Variants in DEPDC5 observed in about 807,000 individuals in gnomAD.
The protein encoded by DEPDC5 is DEP domain containing 5, GATOR1 subcomplex subunit.
Under a neutral mutation model 217.3 loss-of-function variants are expected in DEPDC5, and 73 were observed. The ratio of observed to expected loss-of-function variants is 0.34; its 90% CI spans 0.28 to 0.41. The LOEUF (loss-of-function observed/expected upper bound fraction) is 0.41, where lower values mean the gene tolerates loss of function less well. DEPDC5 is among the 10% of genes least tolerant of loss of function. The pLI is 1.00. For missense variants in DEPDC5, 1,675 were observed against 2,070.1 expected (o/e 0.81, Z 3.70); for synonymous variants, 733 against 756.7 (o/e 0.97, Z 0.51).
Position 31,826,667 on chromosome 22 carries a change from A to T in DEPDC5, c.2104+3877A>T, listed in dbSNP as rs117652938. 2.1e-3 allele frequency among the ~76,000 whole-genome samples: 325 copies of T among 152,294 alleles called. 1 individual carries two copies. Among genetic ancestry groups the T allele is most frequent in the Non-Finnish European group, 3.7e-3 (250 of 68,028 alleles). ...CATGTTTCCGCACAGCTCCGTATGC[A>T]TAACCCAATTGTACAACTTGGCATG... On this transcript the variant is annotated intron_variant, in intron 24 of 42. Coordinates refer to ENST00000651528, the MANE Select transcript of DEPDC5 (RefSeq NM_001242896.3).
Position 31,879,681 on chromosome 22 carries a change from C to G in DEPDC5, c.3962C>G (p.Ala1321Gly). Reference sequence around the variant, plus strand: ...CTGCCCTGGCTGCCTAGCCGGCCAGCCTCCTATGCAAGTAGGCACAGCTCC... The same window carrying G: ...CTGCCCTGGCTGCCTAGCCGGCCAGGCTCCTATGCAAGTAGGCACAGCTCC... ...FLLPWLPSRP[A>G]SYASRHSSFS... Residue 1321 changes from alanine to glycine, a missense_variant, in exon 38 of 43, where the codon GCC becomes GGC. Transcript: ENST00000651528. The G allele has an allele frequency of 6.2e-7, 1 of 1,614,148 alleles. No homozygotes were observed. The highest frequency in any genetic ancestry group is 8.5e-7 in the Non-Finnish European group (1 of 1,180,034).
intron 21 of DEPDC5, 97 bp from the exon 22 acceptor site, chr22:31,818,925 A>G (rs1485176036): frequency 1.6e-6 from 2 of 1,272,752 alleles, no homozygotes; most frequent in East Asian, 4.7e-5. Flanking sequence ...ATAATGCCCA[A>G]GATTCTTGTC....
Position 31,867,841 on chromosome 22 carries a change from A to G in DEPDC5, c.3331-2749A>G, listed in dbSNP as rs866048096. 1.9e-4 allele frequency among the ~76,000 whole-genome samples: 29 copies of G among 152,292 alleles called. No individual in the cohort carries two copies. The Middle Eastern group carries it at 0.02, about 107-fold the overall frequency. On this transcript the variant is annotated intron_variant, in intron 33 of 42. Transcript: ENST00000651528. ...GCAGGACTAATGTGCATTTCTGGTA[A>G]TGGCCTTCACGTTAGGCTGGTAGAG...
In DEPDC5 at chr22:31,892,635, G is replaced by A. The variant is rs369029169; in HGVS notation, c.4034-947G>A. Among the ~76,000 whole-genome samples the A allele has an allele frequency of 4.6e-5, 7 of 152,320 alleles. No individual in the cohort carries two copies. The South Asian group carries it at 6.2e-4, about 14-fold the overall frequency. On this transcript the variant is annotated intron_variant, in intron 38 of 42. Coordinates refer to ENST00000651528, the MANE Select transcript of DEPDC5 (RefSeq NM_001242896.3). ...GGAGGCAGAGGTTGCAGTGAGCCAA[G>A]ATCACGCTACTGCACTCCAGCCCGG...
chr22:31,833,044 TC>T (rs1280810990), intron 24 of DEPDC5, among the ~76,000 whole-genome samples: 2 of 152,198 alleles, frequency 1.3e-5, no homozygotes, highest in Non-Finnish European at 2.9e-5. Flanking sequence ...ATCTTTCCAG[TC>T]CTTTTTAAAA....
chr22:31,788,856 G>A (rs772175069), intron 10 of DEPDC5, among the ~76,000 whole-genome samples: 9 of 149,318 alleles, frequency 6.0e-5, no homozygotes, highest in African/African-American at 1.7e-4. Context: ...GATTACAGAC[G>A]TGAGCCTCCG....
At chr22:31,758,085 TC>T (rs1227281277) in intron 2 of DEPDC5, among the ~76,000 whole-genome samples, 1 of 152,120 alleles carries the variant, frequency 6.6e-6, no homozygotes, top group Non-Finnish European at 1.5e-5. Context: ...ATTTTCTTAC[TC>T]CTGTTAGATC....
intron 7 of DEPDC5, among the ~76,000 whole-genome samples, chr22:31,777,338 GCAA>G (rs1402977396): frequency 6.0e-5 from 9 of 150,274 alleles, no homozygotes; most frequent in Non-Finnish European, 1.2e-4. Context: ...TCAGCTCACT[GCAA>G]CTTCCACCTC....
intron 4 of DEPDC5, among the ~76,000 whole-genome samples, chr22:31,761,900 G>A (rs1394584950): frequency 2.0e-5 from 3 of 150,900 alleles, no homozygotes; most frequent in Admixed American, 6.6e-5. Flanking sequence ...CCCGGGAGGC[G>A]GAGGTTGCAG....
chr22:31,769,008 C>T (rs113406165), intron 7 of DEPDC5, 145 bp downstream of exon 7: 1 of 1,065,086 alleles, frequency 9.4e-7, no homozygotes, highest in South Asian at 1.5e-5. Flanking sequence ...CGCCTGTAAT[C>T]CTAGCACTTT....
chr22:31,811,092 C>T (rs184687795), intron 20 of DEPDC5, among the ~76,000 whole-genome samples: 73 of 151,424 alleles, frequency 4.8e-4, no homozygotes, highest in South Asian at 1.5e-3. Flanking sequence ...TTTTTTGAGA[C>T]GGAGTCTCAC....
chr22:31,880,036 C>T lies in DEPDC5; in HGVS notation c.4033+284C>T, dbSNP rs534069668. On this transcript the variant is annotated intron_variant, in intron 38 of 42. Transcript: ENST00000651528. ...AGAAGAAATATGTGGCCAATTTTCC[C>T]GAGGGTTCTGTAGGATATAGGAGAT... 16 of 415,634 alleles carry T rather than the reference C, an allele frequency of 3.8e-5. 1 individual carries two copies. The highest frequency in any genetic ancestry group is 1.6e-4 in the East Asian group (3 of 19,294). The allele number at this position is 415,634 out of a possible 1,614,324, so 25.7% of individuals were successfully genotyped here.
At chr22:31,841,623 G>A (rs766209913) in intron 27 of DEPDC5, among the ~76,000 whole-genome samples, 1 of 152,122 alleles carries the variant, frequency 6.6e-6, no homozygotes, top group African/African-American at 2.4e-5. Flanking sequence ...GTGGTGGCTC[G>A]CAATCAGTCT....
At chr22:31,832,808 C>G (rs1010843326) in intron 24 of DEPDC5, among the ~76,000 whole-genome samples, 1 of 152,208 alleles carries the variant, frequency 6.6e-6, no homozygotes, top group Admixed American at 6.5e-5. Context: ...CCTATATCTT[C>G]TGGATGCAAG....
chr22:31,886,429 C>G, intron 38 of DEPDC5, among the ~76,000 whole-genome samples: 1 of 152,124 alleles, frequency 6.6e-6, no homozygotes, highest in East Asian at 1.9e-4. Context: ...TTCAGATCAT[C>G]TCAGTTTAGC....
At chr22:31,839,478 A>T (rs2091256299) in intron 27 of DEPDC5, among the ~76,000 whole-genome samples, 1 of 147,218 alleles carries the variant, frequency 6.8e-6, no homozygotes, top group Non-Finnish European at 1.5e-5. Context: ...ACAATCAATG[A>T]GCTGTCTTAG....
At chr22:31,759,354 C>CT (rs2082189923) in intron 3 of DEPDC5, among the ~76,000 whole-genome samples, 4 of 149,070 alleles carry the variant, frequency 2.7e-5, no homozygotes, top group African/African-American at 7.4e-5. Context: ...CATACCGAGC[C>CT]GTTTTTTTTG....
chr22:31,869,860 C>A (rs1467813622), intron 33 of DEPDC5, among the ~76,000 whole-genome samples: 1 of 152,092 alleles, frequency 6.6e-6, no homozygotes, highest in African/African-American at 2.4e-5. Context: ...ACAGACGATG[C>A]AAATGGAGCT....
intron 20 of DEPDC5, among the ~76,000 whole-genome samples, chr22:31,812,576 C>G (rs1261658896): frequency 6.7e-6 from 1 of 149,770 alleles, no homozygotes; most frequent in Non-Finnish European, 1.5e-5. Flanking sequence ...AGGCGCCCAC[C>G]ACCACGCCCA....
Sources: allele counts gnomAD v4.1 joint callset (sites outside exome capture counted in the v4.1 genomes callset), GRCh38; gene constraint gnomAD v4.1.1; transcripts MANE v1.5; gene names NCBI Gene and HGNC (gene_info 2026-07-23, HGNC 2026-07-21).